The following MAP6 variants were observed in gnomAD, a reference collection of about 807,000 sequenced individuals.
The protein encoded by MAP6 is microtubule-associated protein 6.
Under a neutral mutation model 42.4 loss-of-function variants are expected in MAP6, and 26 were observed. That is an observed-to-expected ratio of 0.61 (90% CI 0.45 to 0.85). The LOEUF is 0.85. Among genes scored for constraint, MAP6 ranks in the 40% least tolerant of loss-of-function variants. MAP6 has a pLI of 0.00. For missense variants in MAP6, 966 were observed against 1,099.0 expected (o/e 0.88, Z 1.71); for synonymous variants, 418 against 443.8 (o/e 0.94, Z 0.73).
intron 1 of MAP6, among the ~76,000 whole-genome samples, chr11:75,656,832 G>A (rs557685603): frequency 6.6e-6 from 1 of 152,190 alleles, no homozygotes; most frequent in East Asian, 1.9e-4. Context: ...AGAGAATAAC[G>A]TCCATAAGTC....
chr11:75,642,069 C>G (rs12279884), intron 1 of MAP6, among the ~76,000 whole-genome samples: 3,239 of 152,304 alleles, frequency 0.021, 116 homozygotes, highest in African/African-American at 0.075. Flanking sequence ...AAGCTCAAAA[C>G]TCATCATTTC....
rs192179524 is a variant in MAP6 at position 75,612,269 on chromosome 11, C to T, written c.906-3947G>A. On this transcript the variant is annotated intron_variant, in intron 1 of 3. Coordinates refer to ENST00000304771, the MANE Select transcript of MAP6 (RefSeq NM_033063.2). ...TCATTCATCCATTCACTCATCCATTCATTTGGCATCTGCCACACAATAGCC... is the reference window on the plus strand; with the variant it reads ...TCATTCATCCATTCACTCATCCATTTATTTGGCATCTGCCACACAATAGCC... Among the ~76,000 whole-genome samples the T allele has an allele frequency of 4.4e-4, 67 of 152,364 alleles. 1 individual carries two copies. The highest frequency in any genetic ancestry group is 6.8e-3 in the Middle Eastern group (2 of 294).
intron 1 of MAP6, among the ~76,000 whole-genome samples, chr11:75,645,924 A>G (rs1163094025): frequency 6.6e-6 from 1 of 151,970 alleles, no homozygotes; most frequent in Non-Finnish European, 1.5e-5. Flanking sequence ...GAGAAGAAAT[A>G]AAATATGTGT....
intron 1 of MAP6, among the ~76,000 whole-genome samples, chr11:75,634,866 TA>T: frequency 6.6e-6 from 1 of 152,222 alleles, no homozygotes; most frequent in Non-Finnish European, 1.5e-5. Flanking sequence ...CTGGCAGCTA[TA>T]AAGAGATGCC....
intron 1 of MAP6, among the ~76,000 whole-genome samples, chr11:75,659,046 T>C (rs1943798748): frequency 6.6e-6 from 1 of 152,218 alleles, no homozygotes; most frequent in Admixed American, 6.5e-5. Context: ...AGGGACTTGG[T>C]CCAGGACCTG....
chr11:75,601,795 C>A (rs767484180), intron 3 of MAP6, among the ~76,000 whole-genome samples: 44 of 151,510 alleles, frequency 2.9e-4, no homozygotes, highest in South Asian at 6.4e-4. Flanking sequence ...GCTACCCCCC[C>A]AGAACTGAAG....
In MAP6 at chr11:75,607,111, C is replaced by G. The variant is rs1207081230; in HGVS notation, c.1119+998G>C. The G allele has an allele frequency of 5.6e-5, 29 of 513,448 alleles. No homozygotes were observed. The Admixed American group carries it at 1.4e-3, about 25-fold the overall frequency. The allele number at this position is 513,448 out of a possible 1,614,324, so 31.8% of individuals were successfully genotyped here. A position where few individuals can be genotyped will look rare whatever the true frequency, so the allele number is the denominator to read the frequency against. ...ACTCCTGACCTGTAAGGAAAGGAACCAATCGTCCTGGTTTGCCTGGAACTG... is the reference window on the plus strand; with the variant it reads ...ACTCCTGACCTGTAAGGAAAGGAACGAATCGTCCTGGTTTGCCTGGAACTG... On this transcript the variant is annotated intron_variant, in intron 2 of 3. Coordinates refer to ENST00000304771, the MANE Select transcript of MAP6 (RefSeq NM_033063.2).
intron 1 of MAP6, among the ~76,000 whole-genome samples, chr11:75,655,488 G>T (rs1018613751): frequency 6.6e-6 from 1 of 152,236 alleles, no homozygotes; most frequent in Non-Finnish European, 1.5e-5. Flanking sequence ...AAGGCATCGA[G>T]TGTGTGCAGG....
intron 1 of MAP6, among the ~76,000 whole-genome samples, chr11:75,613,640 T>C (rs1443204453): frequency 6.6e-6 from 1 of 152,196 alleles, no homozygotes; most frequent in Non-Finnish European, 1.5e-5. Flanking sequence ...ATTTGAGCCT[T>C]GATGCATGAC....
rs183050806 is a variant in MAP6, at chr11:75,607,043, C to T, written c.1120-1039G>A. Among the ~76,000 whole-genome samples the T allele has an allele frequency of 1.5e-4, 23 of 152,320 alleles. No individual in the cohort carries two copies. The East Asian group carries it at 3.1e-3, about 20-fold the overall frequency. ...TGGACAGAGCTGATGCTGGGCCTTGCAGGCTGGATCATTCACTCACTGAGG... is the reference window on the plus strand; with the variant it reads ...TGGACAGAGCTGATGCTGGGCCTTGTAGGCTGGATCATTCACTCACTGAGG... On this transcript the variant is annotated intron_variant, in intron 2 of 3. Transcript: ENST00000304771.
chr11:75,664,791 T>C (rs1309508716), intron 1 of MAP6, among the ~76,000 whole-genome samples: 1 of 152,234 alleles, frequency 6.6e-6, no homozygotes, highest in African/African-American at 2.4e-5. Context: ...AACCATTTTT[T>C]CTTTACAGTG....
intron 1 of MAP6, among the ~76,000 whole-genome samples, chr11:75,664,580 G>A (rs1943914708): frequency 6.6e-6 from 1 of 152,234 alleles, no homozygotes; most frequent in African/African-American, 2.4e-5. Context: ...AATGGCAGAA[G>A]AAAAGGGTTT....
intron 1 of MAP6, among the ~76,000 whole-genome samples, chr11:75,654,489 T>C (rs77871885): frequency 0.015 from 2,238 of 152,252 alleles, 67 homozygotes; most frequent in East Asian, 0.12. Flanking sequence ...ACATTTCTAT[T>C]CTTGCACTTA....
At chr11:75,661,056 C>T (rs2083193858) in intron 1 of MAP6, among the ~76,000 whole-genome samples, 1 of 150,318 alleles carries the variant, frequency 6.7e-6, no homozygotes, top group Non-Finnish European at 1.5e-5. Context: ...TTTTTAAATC[C>T]ACAAGATAAT....
At chr11:75,604,169 C>T in intron 3 of MAP6, 1 of 985,904 alleles carries the variant, frequency 1.0e-6, no homozygotes, top group Non-Finnish European at 1.2e-6. Context: ...GCCTGATCAA[C>T]AACTTCGTTT....
chr11:75,615,967 CG>C (rs544199115), intron 1 of MAP6, among the ~76,000 whole-genome samples: 510 of 10,748 alleles, frequency 0.047, 4 homozygotes, highest in African/African-American at 0.19. Context: ...CGGCAGGGGG[CG>C]GGGGGTGGGG....
Position 75,667,796 on chromosome 11 carries a change from C to A in MAP6, c.574G>T (p.Gly192Trp), listed in dbSNP as rs1484325888. The change falls in exon 1 of 4, where the codon GGG becomes TGG. Residue 192 changes from glycine to tryptophan, a missense_variant. This residue lies in a region of MAP6 where 943 missense variants were observed against 1,049.9 expected (regional missense o/e 0.90). Coordinates refer to ENST00000304771, the MANE Select transcript of MAP6 (RefSeq NM_033063.2). This position sits in a 1 kb window ranked among gnomAD's most constrained non-coding sequence, Gnocchi z 5.6. ...CTCTGCGGCCGGCGCTTGGGCGCCC[C>A]GAGAATGGGCGCCGACGCCTGGGAG... is the stretch of plus-strand genomic sequence containing the variant. ...AASQASAPIL[G>W]APKRRPQSQE... The A allele has an allele frequency of 4.6e-6, 6 of 1,308,884 alleles. No homozygotes were observed. Among genetic ancestry groups the A allele is most frequent in the Non-Finnish European group, 4.9e-6 (5 of 1,027,856 alleles). 81.1% of individuals were successfully genotyped at this position (1,308,884 alleles called of 1,614,324 possible). A position where few individuals can be genotyped will look rare whatever the true frequency, so the allele number is the denominator to read the frequency against.
intron 1 of MAP6, among the ~76,000 whole-genome samples, chr11:75,639,876 C>T (rs1223550415): frequency 6.6e-6 from 1 of 152,204 alleles, no homozygotes; most frequent in East Asian, 1.9e-4. Flanking sequence ...TGTCTAGAGG[C>T]TTCCTCTGGG....
intron 1 of MAP6, among the ~76,000 whole-genome samples, chr11:75,645,163 C>A (rs918490998): frequency 1.2e-4 from 18 of 152,116 alleles, no homozygotes; most frequent in Non-Finnish European, 2.1e-4. Flanking sequence ...GCCGAGAGGA[C>A]ACTTTGGACC....
Sources: gnomAD v4.1 joint callset for allele counts (sites outside exome capture counted in the v4.1 genomes callset) on GRCh38, gnomAD v4.1.1 for gene constraint, gnomAD v4.1.1 regional missense constraint, Gnocchi (gnomAD v3.1) non-coding constraint, MANE v1.5 for transcripts, NCBI Gene and HGNC (gene_info 2026-07-23, HGNC 2026-07-21) for gene names.